Variants in PCSK6 observed in about 807,000 individuals in gnomAD.
The protein encoded by PCSK6 is proprotein convertase subtilisin/kexin type 6.
Under a neutral mutation model 123.3 loss-of-function variants are expected in PCSK6, and 85 were observed. The ratio of observed to expected loss-of-function variants is 0.69; its 90% CI spans 0.58 to 0.83. PCSK6 has a LOEUF of 0.83. Ranked by LOEUF, PCSK6 falls within the 40% of genes least tolerant of loss-of-function variation. The pLI, the probability that PCSK6 is intolerant of heterozygous loss-of-function variation, is 0.00. For synonymous variants in PCSK6, 508 were observed against 516.0 expected, an observed-to-expected ratio of 0.98 and a Z score of 0.21; for missense variants, 1,191 against 1,282.3, an observed-to-expected ratio of 0.93 and a Z score of 1.09.
At chr15:101,461,817 T>C (rs139100482) in intron 1 of PCSK6, among the ~76,000 whole-genome samples, 31 of 152,324 alleles carry the variant, frequency 2.0e-4, no homozygotes, top group Non-Finnish European at 3.4e-4. Context: ...GGAAGCTTTC[T>C]TAACCTGTTA....
At chr15:101,371,693 C>A (rs2041591478) in intron 11 of PCSK6, among the ~76,000 whole-genome samples, 1 of 152,218 alleles carries the variant, frequency 6.6e-6, no homozygotes, top group Admixed American at 6.5e-5. Flanking sequence ...GGCCCCAGAG[C>A]CCACGCCTCT....
chr15:101,459,342 T>G (rs2057274568), intron 1 of PCSK6, among the ~76,000 whole-genome samples: 2 of 152,176 alleles, frequency 1.3e-5, no homozygotes, highest in South Asian at 4.1e-4. Flanking sequence ...ACATCCTGGT[T>G]GCACAATAAA....
chr15:101,326,966 C>A (rs2040269464), intron 15 of PCSK6, among the ~76,000 whole-genome samples: 2 of 138,606 alleles, frequency 1.4e-5, no homozygotes, highest in African/African-American at 5.7e-5. Context: ...AATTAGGTAG[C>A]CCCCCCGCAA....
chr15:101,324,778 TG>T, intron 17 of PCSK6, 71 bp downstream of exon 17: 2 of 1,296,558 alleles, frequency 1.5e-6, no homozygotes, highest in Non-Finnish European at 1.1e-6. Context: ...AAATTCTCCC[TG>T]GAGAGAGGAC....
chr15:101,393,924 G>A (rs1420747279), intron 7 of PCSK6, among the ~76,000 whole-genome samples: 6 of 152,162 alleles, frequency 3.9e-5, no homozygotes, highest in Non-Finnish European at 7.4e-5. Flanking sequence ...CTTGCAGAGA[G>A]AGCTAAATTT....
At chr15:101,460,056 T>C (rs2057304917) in intron 1 of PCSK6, among the ~76,000 whole-genome samples, 1 of 152,112 alleles carries the variant, frequency 6.6e-6, no homozygotes, top group Non-Finnish European at 1.5e-5. Context: ...CACACTGAAC[T>C]GAGGGCCTCC....
At chr15:101,321,688 AC>A (rs1468938475) in intron 18 of PCSK6, among the ~76,000 whole-genome samples, 1 of 152,246 alleles carries the variant, frequency 6.6e-6, no homozygotes, top group Non-Finnish European at 1.5e-5. Flanking sequence ...CCACCGCCTC[AC>A]CCTGCAAAAG....
At chr15:101,410,496 G>A (rs1293762687) in intron 6 of PCSK6, among the ~76,000 whole-genome samples, 1 of 152,168 alleles carries the variant, frequency 6.6e-6, no homozygotes, top group African/African-American at 2.4e-5. Flanking sequence ...GAGGGGCTAG[G>A]AAATGCCTGC....
At chr15:101,409,347 C>T (rs554052571) in intron 6 of PCSK6, among the ~76,000 whole-genome samples, 3 of 151,978 alleles carry the variant, frequency 2.0e-5, no homozygotes, top group East Asian at 1.9e-4. Flanking sequence ...GCACTTTGGG[C>T]GGCCGAGGCG....
At chr15:101,370,631 G>C (rs1467101443) in intron 11 of PCSK6, 108 bp from the exon 12 acceptor site, 3 of 1,046,476 alleles carry the variant, frequency 2.9e-6, no homozygotes. Flanking sequence ...CAGCCTCAGG[G>C]CCCTGCGGGC....
At chr15:101,403,968 A>G (rs566969614) in intron 6 of PCSK6, among the ~76,000 whole-genome samples, 1 of 152,250 alleles carries the variant, frequency 6.6e-6, no homozygotes, top group African/African-American at 2.4e-5. Flanking sequence ...TGATCCGCCC[A>G]CCTCGCAGGC....
chr15:101,435,761 G>A (rs1042758427), intron 2 of PCSK6, among the ~76,000 whole-genome samples: 1 of 152,340 alleles, frequency 6.6e-6, no homozygotes, highest in South Asian at 2.1e-4. Context: ...TCCGTTGACT[G>A]TCCCTCTGTT....
At chr15:101,353,363 G>A (rs926869396) in intron 13 of PCSK6, among the ~76,000 whole-genome samples, 1 of 152,218 alleles carries the variant, frequency 6.6e-6, no homozygotes, top group African/African-American at 2.4e-5. Context: ...GGGAGTGACA[G>A]GGAGCAGCTG....
At chr15:101,404,730 G>A (rs143111008) in intron 6 of PCSK6, among the ~76,000 whole-genome samples, 281 of 152,266 alleles carry the variant, frequency 1.8e-3, no homozygotes, top group Middle Eastern at 6.8e-3. Flanking sequence ...CCCTGGCCCC[G>A]GAACTGCTGG....
chr15:101,346,589 C>G (rs777143205), intron 13 of PCSK6: 1 of 374,106 alleles, frequency 2.7e-6, no homozygotes, highest in Non-Finnish European at 4.7e-6. Flanking sequence ...ACACACTTAT[C>G]TATTCTGGGG....
At chr15:101,395,629 A>G (rs1217624209) in intron 7 of PCSK6, among the ~76,000 whole-genome samples, 1 of 152,218 alleles carries the variant, frequency 6.6e-6, no homozygotes, top group African/African-American at 2.4e-5. Flanking sequence ...CAGTGGCTTC[A>G]TGGAAGCCAT....
At chr15:101,364,012 T>C (rs985755714) in intron 13 of PCSK6, among the ~76,000 whole-genome samples, 1 of 152,214 alleles carries the variant, frequency 6.6e-6, no homozygotes. Flanking sequence ...CAGATCCCTG[T>C]AGATGACTTG....
Position 101,389,575 on chromosome 15 carries a change from G to A in PCSK6, c.1210-11C>T, listed in dbSNP as rs372254044. On this transcript the variant is annotated splice_polypyrimidine_tract_variant and intron_variant, in intron 8 of 21. Coordinates refer to ENST00000611716, the MANE Select transcript of PCSK6 (RefSeq NM_002570.5). ...CAGATCCGTGGTGACCTGGGGGAGAGAGAAGCACAGTGAGGCAGTGATGGC... is the reference window on the plus strand; with the variant it reads ...CAGATCCGTGGTGACCTGGGGGAGAAAGAAGCACAGTGAGGCAGTGATGGC... 3 of 1,601,642 alleles carry A rather than the reference G, an allele frequency of 1.9e-6. No individual in the cohort carries two copies. Among genetic ancestry groups the A allele is most frequent in the Middle Eastern group, 1.7e-4 (1 of 6,044 alleles).
intron 19 of PCSK6, chr15:101,313,791 C>CAGGCCT (rs1327482446): frequency 2.8e-6 from 1 of 363,438 alleles, no homozygotes; most frequent in African/African-American, 2.0e-5. Flanking sequence ...CTGTTTCCAA[C>CAGGCCT]AGGCCTAGGC....
Sources: allele counts gnomAD v4.1 joint callset (sites outside exome capture counted in the v4.1 genomes callset), GRCh38; gene constraint gnomAD v4.1.1; transcripts MANE v1.5; gene names NCBI Gene and HGNC (gene_info 2026-07-23, HGNC 2026-07-21).